The following TMEM74 variants were observed in gnomAD, a reference collection of about 807,000 sequenced individuals.
TMEM74 encodes the protein transmembrane protein 74.
Under a neutral mutation model 18.1 loss-of-function variants are expected in TMEM74, and 13 were observed. The ratio of observed to expected loss-of-function variants is 0.72; its 90% CI spans 0.47 to 1.14. The LOEUF (loss-of-function observed/expected upper bound fraction) is 1.14. TMEM74 is among the 50% of genes most tolerant of loss of function. The pLI is 0.00. For missense variants in TMEM74, 372 were observed against 375.9 expected (o/e 0.99, Z 0.09); for synonymous variants, 159 against 146.6 (o/e 1.08, Z -0.61).
At chr8:108,629,653 A>G (rs1318490571) in intron 2 of TMEM74, among the ~76,000 whole-genome samples, 2 of 152,138 alleles carry the variant, frequency 1.3e-5, no homozygotes, top group Non-Finnish European at 2.9e-5. Context: ...AAACCCTACC[A>G]GTCAGAAGAG....
At chr8:108,718,451 T>G (rs933900288) in intron 1 of TMEM74, among the ~76,000 whole-genome samples, 2 of 152,212 alleles carry the variant, frequency 1.3e-5, no homozygotes, top group East Asian at 3.8e-4. Flanking sequence ...TGAAAATGCC[T>G]GCAAACCTCT....
chr8:108,740,787 G>A (rs1426525837), intron 1 of TMEM74, among the ~76,000 whole-genome samples: 1 of 152,176 alleles, frequency 6.6e-6, no homozygotes, highest in Admixed American at 6.5e-5. Flanking sequence ...ATTTGGCACT[G>A]TTTTATAAAG....
intron 2 of TMEM74, among the ~76,000 whole-genome samples, chr8:108,641,412 C>A (rs1341121790): frequency 1.3e-5 from 2 of 152,092 alleles, no homozygotes; most frequent in African/African-American, 4.8e-5. Context: ...GGACAGCATG[C>A]CACTGCCACG....
chr8:108,655,587 A>G (rs1026997038), intron 1 of TMEM74: 10 of 152,150 alleles, frequency 6.6e-5, no homozygotes, highest in Non-Finnish European at 4.4e-5. Flanking sequence ...GTTCTTAGAA[A>G]ATGCACCTCC....
chr8:108,664,050 A>G (rs1473573943), intron 1 of TMEM74, among the ~76,000 whole-genome samples: 1 of 152,186 alleles, frequency 6.6e-6, no homozygotes, highest in African/African-American at 2.4e-5. Context: ...GCAGCAAACC[A>G]CCATGGCACA....
At chr8:108,725,185 C>G (rs901083651) in intron 1 of TMEM74, among the ~76,000 whole-genome samples, 2 of 152,222 alleles carry the variant, frequency 1.3e-5, no homozygotes, top group African/African-American at 4.8e-5. Flanking sequence ...CTTCCTTAAC[C>G]TTCTCTGGTT....
At chr8:108,776,139 A>G (rs1466737921), downstream of TMEM74, among the ~76,000 whole-genome samples, 2 of 152,248 alleles carry the variant, frequency 1.3e-5, no homozygotes, top group Non-Finnish European at 2.9e-5. Flanking sequence ...AATGTTAAAA[A>G]CAATTCAACC....
chr8:108,743,362 C>A (rs1279945183), intron 1 of TMEM74, among the ~76,000 whole-genome samples: 2 of 152,080 alleles, frequency 1.3e-5, no homozygotes, highest in East Asian at 3.9e-4. Flanking sequence ...TGCTTCTTCT[C>A]CTTCTTGCAG....
intron 2 of TMEM74, among the ~76,000 whole-genome samples, chr8:108,632,616 C>A (rs1330322573): frequency 1.3e-5 from 2 of 151,828 alleles, no homozygotes; most frequent in Non-Finnish European, 2.9e-5. Flanking sequence ...AGAAAATGAA[C>A]AAATTTGGGA....
chr8:108,724,002 G>A (rs1006038484), intron 1 of TMEM74, among the ~76,000 whole-genome samples: 3 of 152,200 alleles, frequency 2.0e-5, no homozygotes, highest in Non-Finnish European at 2.9e-5. Context: ...ACATGATGAG[G>A]CATGATCCTG....
intron 1 of TMEM74, among the ~76,000 whole-genome samples, chr8:108,769,390 G>T (rs569874481): frequency 6.6e-6 from 1 of 152,128 alleles, no homozygotes; most frequent in East Asian, 1.9e-4. Context: ...TTGCAACTGA[G>T]AATTTCTCAG....
chr8:108,642,072 ATAGT>A (rs1812670479), intron 2 of TMEM74, among the ~76,000 whole-genome samples: 1 of 151,640 alleles, frequency 6.6e-6, no homozygotes, highest in Non-Finnish European at 1.5e-5. Context: ...TGATCTGTAA[ATAGT>A]TAGAAATACA....
intron 2 of TMEM74, among the ~76,000 whole-genome samples, chr8:108,626,148 A>G (rs533855714): frequency 2.0e-5 from 3 of 152,110 alleles, no homozygotes; most frequent in East Asian, 1.9e-4. Flanking sequence ...CCACTATTCT[A>G]TTGTTTGTAT....
At chr8:108,656,426 G>A (rs1281218450) in intron 1 of TMEM74, among the ~76,000 whole-genome samples, 1 of 152,162 alleles carries the variant, frequency 6.6e-6, no homozygotes, top group Admixed American at 6.5e-5. Context: ...TTAGATTCAA[G>A]AGGGAAAACC....
At chr8:108,775,830 C>T (rs1233284861), downstream of TMEM74, among the ~76,000 whole-genome samples, 1 of 152,142 alleles carries the variant, frequency 6.6e-6, no homozygotes. Flanking sequence ...GGGGTTCTAC[C>T]CTCTTCCGGC....
chr8:108,762,930 G>T (rs1157878999), intron 1 of TMEM74, among the ~76,000 whole-genome samples: 1 of 152,104 alleles, frequency 6.6e-6, no homozygotes, highest in African/African-American at 2.4e-5. Flanking sequence ...GTAGCTTCTA[G>T]TTTTGCTTTG....
chr8:108,754,692 T>G (rs1421952670), intron 1 of TMEM74, among the ~76,000 whole-genome samples: 1 of 143,586 alleles, frequency 7.0e-6, no homozygotes, highest in African/African-American at 2.6e-5. Context: ...GGTAGCTAGG[T>G]AGGTAGACAG....
At chr8:108,610,446 G>A (rs1365782892) in intron 2 of TMEM74, among the ~76,000 whole-genome samples, 1 of 152,152 alleles carries the variant, frequency 6.6e-6, no homozygotes, top group African/African-American at 2.4e-5. Flanking sequence ...TCTAGTTGGA[G>A]GGTACAGTCA....
At chr8:108,733,449 G>A (rs536513876) in intron 1 of TMEM74, among the ~76,000 whole-genome samples, 1 of 152,270 alleles carries the variant, frequency 6.6e-6, no homozygotes, top group African/African-American at 2.4e-5. Context: ...AATAATCTAT[G>A]AGAATAAAAA....
Sources: gnomAD v4.1 joint callset for allele counts (sites outside exome capture counted in the v4.1 genomes callset) on GRCh38, gnomAD v4.1.1 for gene constraint, MANE v1.5 for transcripts, NCBI Gene and HGNC (gene_info 2026-07-23, HGNC 2026-07-21) for gene names.